Variants in CLASP1 observed in about 807,000 individuals in gnomAD.
CLASP1 encodes cytoplasmic linker associated protein 1.
A neutral mutation model predicts 192.3 loss-of-function variants in CLASP1; 38 were observed. The ratio of observed to expected loss-of-function variants is 0.20; its 90% CI spans 0.15 to 0.26. The LOEUF (loss-of-function observed/expected upper bound fraction) is 0.26. Among genes scored for constraint, CLASP1 ranks in the 10% least tolerant of loss-of-function variants. The pLI is 1.00. For synonymous variants in CLASP1, 691 were observed against 712.8 expected (o/e 0.97, Z 0.49); for missense variants, 1,433 against 1,932.5 (o/e 0.74, Z 4.85).
intron 28 of CLASP1, among the ~76,000 whole-genome samples, chr2:121,399,521 C>A (rs1306621653): frequency 6.6e-6 from 1 of 152,150 alleles, no homozygotes; most frequent in Non-Finnish European, 1.5e-5. Flanking sequence ...GAAATTGAGG[C>A]AGATTAGCAC....
chr2:121,639,863 C>CAAA (rs34338582), intron 1 of CLASP1, among the ~76,000 whole-genome samples: 28 of 62,360 alleles, frequency 4.5e-4, no homozygotes, highest in East Asian at 3.2e-3. Context: ...AACTCCATCT[C>CAAA]AAAAAAAAAA....
At chr2:121,584,409 A>T (rs1328398776) in intron 2 of CLASP1, among the ~76,000 whole-genome samples, 2 of 152,204 alleles carry the variant, frequency 1.3e-5, no homozygotes, top group Non-Finnish European at 2.9e-5. Flanking sequence ...ACAGTCAAAT[A>T]GCTGCTTACA....
At position 121,578,543 on chromosome 2, in the gene CLASP1, C is replaced by T. The variant is rs184245644; in HGVS notation, c.195+27158G>A. On this transcript the variant is annotated intron_variant, in intron 2 of 39. Coordinates refer to ENST00000263710, the Ensembl canonical transcript of CLASP1. ...AGGAGATCGAGACCATCCTGGCCAA[C>T]ACGGTGAAACCCCATCTCTACTAAA... Among the ~76,000 whole-genome samples, 464 of 150,460 alleles carry T rather than the reference C, an allele frequency of 3.1e-3. 2 individuals carry two copies. Among genetic ancestry groups the T allele is most frequent in the African/African-American group, 0.011 (434 of 41,020 alleles).
In CLASP1 at chr2:121,344,136, A is replaced by G. The variant is rs143002563; in HGVS notation, c.4530+2902T>C. Reference sequence around the variant, plus strand: ...ATAAAAAGACTGGAGGGGGGGAAAAAGAAAAGAATGCTTGTTCAAGGTCAT... The same window carrying G: ...ATAAAAAGACTGGAGGGGGGGAAAAGGAAAAGAATGCTTGTTCAAGGTCAT... On this transcript the variant is annotated intron_variant, in intron 39 of 39. Transcript: ENST00000263710. Among the ~76,000 whole-genome samples, 1,185 of 152,160 alleles carry G rather than the reference A, an allele frequency of 7.8e-3. 46 individuals are homozygous for G. The highest frequency in any genetic ancestry group is 0.063 in the Admixed American group (969 of 15,280).
chr2:121,403,735 G>T (rs781729934), intron 26 of CLASP1: 3 of 465,742 alleles, frequency 6.4e-6, no homozygotes, highest in African/African-American at 5.9e-5. Context: ...CCTGGAAAGT[G>T]TTCTGTCCCA....
chr2:121,449,706 A>G (rs1029546732), intron 16 of CLASP1, among the ~76,000 whole-genome samples: 1 of 152,220 alleles, frequency 6.6e-6, no homozygotes, highest in Non-Finnish European at 1.5e-5. Flanking sequence ...TAATTATATC[A>G]CTTATTTTGG....
At chr2:121,531,878 G>C (rs954100883) in intron 2 of CLASP1, among the ~76,000 whole-genome samples, 2 of 147,750 alleles carry the variant, frequency 1.4e-5, no homozygotes, top group African/African-American at 5.2e-5. Context: ...AAAAAAAAAA[G>C]AAAAAGAAAT....
rs558756560 is a variant in CLASP1, at chr2:121,394,397, G to A, written c.3123+2743C>T. Among the ~76,000 whole-genome samples, 9 of 152,276 alleles carry A rather than the reference G, an allele frequency of 5.9e-5. No homozygotes were observed. In the South Asian group the frequency reaches 1.2e-3, roughly 21 times the overall value. ...CCAAACAGTGAATTCTTGGCTGAGCGCTTTCTTTCTTTCAGTACCTTCAAT... is the reference window on the plus strand; with the variant it reads ...CCAAACAGTGAATTCTTGGCTGAGCACTTTCTTTCTTTCAGTACCTTCAAT... On this transcript the variant is annotated intron_variant, in intron 30 of 39. Coordinates refer to ENST00000263710, the Ensembl canonical transcript of CLASP1.
At chr2:121,589,417 G>A (rs923024730) in intron 2 of CLASP1, among the ~76,000 whole-genome samples, 2 of 152,100 alleles carry the variant, frequency 1.3e-5, no homozygotes, top group African/African-American at 4.8e-5. Context: ...ACCACCTAAG[G>A]TCAAGAGTTT....
At chr2:121,634,505 A>C (rs925356445) in intron 1 of CLASP1, among the ~76,000 whole-genome samples, 1 of 152,180 alleles carries the variant, frequency 6.6e-6, no homozygotes, top group Non-Finnish European at 1.5e-5. Context: ...AGATGTTTCT[A>C]ATCTCCCAGT....
At position 121,581,999 on chromosome 2, in the gene CLASP1, C is replaced by A. The variant is rs184027937; in HGVS notation, c.195+23702G>T. Among the ~76,000 whole-genome samples the A allele has an allele frequency of 1.6e-4, 24 of 152,076 alleles. No individual in the cohort carries two copies. The East Asian group carries it at 4.3e-3, about 27-fold the overall frequency. On this transcript the variant is annotated intron_variant, in intron 2 of 39. Transcript: ENST00000263710. Reference sequence around the variant, plus strand: ...GGAGTTCAAGACCAGCCTGTCCCAACTGAAAACACAAAAATTAGCCAGGTG... The same window carrying A: ...GGAGTTCAAGACCAGCCTGTCCCAAATGAAAACACAAAAATTAGCCAGGTG...
intron 11 of CLASP1, 145 bp from the exon 12 acceptor site, chr2:121,460,270 A>G (rs1022246240): frequency 6.7e-6 from 4 of 600,820 alleles, no homozygotes; most frequent in Admixed American, 3.1e-5. Context: ...AGCCAGTTAA[A>G]TATTAGCTAA....
intron 26 of CLASP1, among the ~76,000 whole-genome samples, chr2:121,402,859 T>C (rs2076339065): frequency 6.6e-6 from 1 of 152,238 alleles, no homozygotes. Context: ...TGAATTTTTA[T>C]TGAGACAGAG....
intron 19 of CLASP1, among the ~76,000 whole-genome samples, chr2:121,434,918 C>G (rs770500612): frequency 2.0e-5 from 3 of 152,026 alleles, no homozygotes; most frequent in Non-Finnish European, 4.4e-5. Flanking sequence ...TGTCTTTCAT[C>G]AATTACAAAT....
intron 2 of CLASP1, among the ~76,000 whole-genome samples, chr2:121,541,851 C>T (rs1322948284): frequency 6.6e-6 from 1 of 152,198 alleles, no homozygotes; most frequent in Non-Finnish European, 1.5e-5. Context: ...CGGAATGTCA[C>T]AGGCACCCAG....
At position 121,402,749 on chromosome 2, in the gene CLASP1, C is replaced by G. The variant is rs905572466; in HGVS notation, c.2734-879G>C. The G allele has an allele frequency of 1.0e-4, 48 of 464,688 alleles. No homozygotes were observed. The Admixed American group carries it at 1.1e-3, about 11-fold the overall frequency. The allele number at this position is 464,688 out of a possible 1,614,324, so 28.8% of individuals were successfully genotyped here. On this transcript the variant is annotated intron_variant, in intron 26 of 39. Coordinates refer to ENST00000263710, the Ensembl canonical transcript of CLASP1. ...TATAAATCTTAAGAATCTAATTATGCTTATGAGTTAAATCTTACTGCTTTT... is the reference window on the plus strand; with the variant it reads ...TATAAATCTTAAGAATCTAATTATGGTTATGAGTTAAATCTTACTGCTTTT...
At chr2:121,642,307 T>A (rs2106341756) in intron 1 of CLASP1, among the ~76,000 whole-genome samples, 1 of 144,402 alleles carries the variant, frequency 6.9e-6, no homozygotes, top group South Asian at 2.2e-4. Context: ...TAATCCCAGC[T>A]ACTCAGGAGG....
chr2:121,362,036 C>T (rs13414447), intron 37 of CLASP1, among the ~76,000 whole-genome samples: 32,249 of 152,158 alleles, frequency 0.21, 6,544 homozygotes, highest in African/African-American at 0.53. Context: ...AAACGCCAAA[C>T]AGAACTATGA....
At chr2:121,514,692 G>A (rs2094238184) in intron 7 of CLASP1, among the ~76,000 whole-genome samples, 2 of 152,188 alleles carry the variant, frequency 1.3e-5, no homozygotes, top group Non-Finnish European at 2.9e-5. Flanking sequence ...CCACTTGAGG[G>A]TCTGGGGCCC....
Sources: gnomAD v4.1 joint callset for allele counts (sites outside exome capture counted in the v4.1 genomes callset) on GRCh38, gnomAD v4.1.1 for gene constraint, MANE v1.5 for transcripts, NCBI Gene and HGNC (gene_info 2026-07-23, HGNC 2026-07-21) for gene names.